The following HNRNPH3 variants were observed in gnomAD, a reference collection of about 807,000 sequenced individuals.
HNRNPH3 encodes heterogeneous nuclear ribonucleoprotein H3, also known as heterogeneous nuclear ribonucleoprotein 2H9.
A neutral mutation model predicts 47.0 loss-of-function variants in HNRNPH3; 7 were observed. The observed-to-expected ratio is 0.15, with a 90% CI of 0.08 to 0.28. The LOEUF (loss-of-function observed/expected upper bound fraction) is 0.28, where lower values mean the gene tolerates loss of function less well. HNRNPH3 is among the 10% of genes least tolerant of loss of function. The probability of loss-of-function intolerance (pLI) is 1.00; values close to 1 mark genes in which losing one functional copy is unlikely to be tolerated. For missense variants in HNRNPH3, 279 were observed against 449.6 expected (o/e 0.62, Z 3.43); for synonymous variants, 120 against 143.2 (o/e 0.84, Z 1.16).
intron 6 of HNRNPH3, 66 bp downstream of exon 6, chr10:68,339,621 C>T (rs1267343339): frequency 2.1e-6 from 2 of 962,246 alleles, no homozygotes; most frequent in African/African-American, 3.3e-5. Context: ...TTTAAGCATT[C>T]TTAATGTTCT....
At chr10:68,339,998 A>G (rs1217561061) in intron 6 of HNRNPH3, among the ~76,000 whole-genome samples, 1 of 151,738 alleles carries the variant, frequency 6.6e-6, no homozygotes, top group Non-Finnish European at 1.5e-5. Context: ...TGATGACTAT[A>G]CCATTTTGTG....
In HNRNPH3 at chr10:68,337,825, C is replaced by T; in HGVS notation, c.113-33C>T. ...AATGTTTCAGCCTTTAACACTGTTC[C>T]CCTTGATGGGGTTATTTGTCCTTGG... On this transcript the variant is annotated intron_variant, in intron 2 of 9. Coordinates refer to ENST00000265866, the MANE Select transcript of HNRNPH3 (RefSeq NM_012207.3). The surrounding 1 kb of genome is among the most constrained non-coding windows in gnomAD (Gnocchi z 4.5). 1 of 1,571,272 alleles carries T rather than the reference C, an allele frequency of 6.4e-7. No homozygotes were observed. The highest frequency in any genetic ancestry group is 8.7e-7 in the Non-Finnish European group (1 of 1,148,796).
chr10:68,336,119 G>T (rs1431026300), intron 1 of HNRNPH3, among the ~76,000 whole-genome samples: 3 of 152,162 alleles, frequency 2.0e-5, no homozygotes, highest in Non-Finnish European at 4.4e-5. Flanking sequence ...AGTGAATGCT[G>T]TTGATACGAA....
chr10:68,338,167 A>G, intron 3 of HNRNPH3, 171 bp downstream of exon 3: 1 of 507,668 alleles, frequency 2.0e-6, no homozygotes, highest in South Asian at 4.0e-5. Flanking sequence ...ATTAATGCTA[A>G]TAGTTAAATT....
upstream of HNRNPH3, chr10:68,331,745 T>C (rs1325783433): frequency 1.3e-5 from 2 of 152,286 alleles, no homozygotes; most frequent in Non-Finnish European, 2.9e-5. Context: ...TCCAGAGCGC[T>C]ACGGCACGGT....
chr10:68,339,582 G>A (rs1242807231), intron 6 of HNRNPH3, 27 bp downstream of exon 6: 1 of 1,365,110 alleles, frequency 7.3e-7, no homozygotes, highest in Non-Finnish European at 1.0e-6. Context: ...AACTATTAGT[G>A]GTTTTATACT....
intron 1 of HNRNPH3, among the ~76,000 whole-genome samples, chr10:68,336,242 G>C (rs906958641): frequency 3.3e-5 from 5 of 152,156 alleles, no homozygotes; most frequent in Non-Finnish European, 7.4e-5. Context: ...CAGCTGCATA[G>C]TGAGATTTGT....
At chr10:68,341,471 TAATA>T in intron 7 of HNRNPH3, 110 bp from the exon 8 acceptor site, 2 of 994,472 alleles carry the variant, frequency 2.0e-6, no homozygotes, top group Non-Finnish European at 3.0e-6. Flanking sequence ...TACTAGTAAT[TAATA>T]AGCATACTTT....
At chr10:68,332,335 C>G (rs2045182825) in intron 1 of HNRNPH3, 119 bp downstream of exon 1, 1 of 152,044 alleles carries the variant, frequency 6.6e-6, no homozygotes, top group Non-Finnish European at 1.5e-5. Context: ...GCTCGGAGGC[C>G]GCCGCTTGGA....
chr10:68,342,048 G>A lies in HNRNPH3; in HGVS notation c.1035G>A (p.Met345Ile). ...TGAGTGGAGGTGGATGGCGTGGGAT[G>A]TACTGAAAGCAAAAACACCAACATA... ...GGMSGGGWRG[M>I]Y The change falls in exon 10 of 10, where the codon ATG (methionine) becomes ATA (isoleucine). Residue 345 changes from methionine (M) to isoleucine (I), a missense_variant. Met to Ile is a conservative substitution (Grantham distance 10). Around this residue, in one of 2 missense-constraint regions of HNRNPH3, gnomAD observed 239 missense variants for 335.8 expected, o/e 0.71. Transcript: ENST00000265866. The A allele has an allele frequency of 1.9e-6, 3 of 1,612,590 alleles. No individual in the cohort carries two copies. Among genetic ancestry groups the A allele is most frequent in the Non-Finnish European group, 2.5e-6 (3 of 1,179,314 alleles).
rs915372236 is a variant in HNRNPH3 at position 68,343,012 on chromosome 10, T to C, written c.*958T>C. On this transcript the variant is annotated 3_prime_UTR_variant, in exon 10 of 10. Transcript: ENST00000265866. ...CTGATCCCTGCTTGGAGTTTTAGTT[T>C]AAAGAATCTATATGTAGCAAGGAAA... The C allele has an allele frequency of 1.3e-4, 20 of 152,212 alleles. No homozygotes were observed. Among genetic ancestry groups the C allele is most frequent in the African/African-American group, 4.6e-4 (19 of 41,452 alleles). 9.4% of individuals were successfully genotyped at this position (152,212 alleles called of 1,614,324 possible).
intron 5 of HNRNPH3, 70 bp from the exon 6 acceptor site, chr10:68,339,370 A>G (rs1311852747): frequency 7.3e-6 from 11 of 1,504,556 alleles, no homozygotes; most frequent in Admixed American, 5.2e-5. Context: ...TATACCTTGT[A>G]TAGTATGTAT....
At chr10:68,341,394 G>C in intron 7 of HNRNPH3, 85 bp downstream of exon 7, 1 of 1,400,402 alleles carries the variant, frequency 7.1e-7, no homozygotes, top group Non-Finnish European at 9.9e-7. Flanking sequence ...GGTAACGCTT[G>C]GCAGTTGTTG....
At chr10:68,341,074 T>G (rs1483683457) in intron 6 of HNRNPH3, 100 bp from the exon 7 acceptor site, 2 of 763,176 alleles carry the variant, frequency 2.6e-6, no homozygotes, top group African/African-American at 3.6e-5. Flanking sequence ...GACAGGGCAG[T>G]GGAAGGGTTT....
chr10:68,337,653 G>C lies in HNRNPH3; in HGVS notation c.113-205G>C. On this transcript the variant is annotated intron_variant, in intron 2 of 9. Coordinates refer to ENST00000265866, the MANE Select transcript of HNRNPH3 (RefSeq NM_012207.3). This position sits in a 1 kb window ranked among gnomAD's most constrained non-coding sequence, Gnocchi z 4.5. ...GGCTTTTAGAGTGTGTAATTACACA[G>C]TGTTTTTACACTGGTCGCAAAAAAT... The C allele has an allele frequency of 1.9e-6, 1 of 530,592 alleles. No homozygotes were observed. Among genetic ancestry groups the C allele is most frequent in the Non-Finnish European group, 3.3e-6 (1 of 299,606 alleles). The allele number at this position is 530,592 out of a possible 1,614,324, so 32.9% of individuals were successfully genotyped here. A position where few individuals can be genotyped will look rare whatever the true frequency, so the allele number is the denominator to read the frequency against.
At chr10:68,333,122 AG>A (rs2045296311) in intron 1 of HNRNPH3, 1 of 147,644 alleles carries the variant, frequency 6.8e-6, no homozygotes, top group African/African-American at 2.5e-5. Flanking sequence ...GATTTTCCAA[AG>A]GGTTTTTTTT....
Position 68,341,834 on chromosome 10 carries a change from A to G in HNRNPH3, c.947A>G (p.Asp316Gly). 1.2e-6 allele frequency: 2 copies of G among 1,610,352 alleles called. No individual in the cohort carries two copies. Among genetic ancestry groups the G allele is most frequent in the Non-Finnish European group, 1.7e-6 (2 of 1,177,470 alleles). Residue 316 changes from aspartate to glycine, a missense_variant, in exon 9 of 10, where the codon GAT becomes GGT. By Grantham distance (94) the Asp-to-Gly change is moderately conservative (BLOSUM62 -1). Around this residue, in one of 2 missense-constraint regions of HNRNPH3, gnomAD observed 239 missense variants for 335.8 expected, o/e 0.71. Coordinates refer to ENST00000265866, the MANE Select transcript of HNRNPH3 (RefSeq NM_012207.3). Reference protein sequence around the residue: ...NNYSGGYGTPDGLGGYGRGGG... With the variant: ...NNYSGGYGTPGGLGGYGRGGG... Reference sequence around the variant, plus strand: ...TACAGTGGAGGATATGGTACTCCTGATGGTTTGGGTGGTTATGGTAAGTAT... The same window carrying G: ...TACAGTGGAGGATATGGTACTCCTGGTGGTTTGGGTGGTTATGGTAAGTAT...
At position 68,338,861 on chromosome 10, in the gene HNRNPH3, A is replaced by G. The variant is rs577547684; in HGVS notation, c.436+174A>G. ...GGACTTGACTGATGCACATATTGGC[A>G]CCTAGAAAACTTACACAGAAATTAA... On this transcript the variant is annotated intron_variant, in intron 4 of 9. Coordinates refer to ENST00000265866, the MANE Select transcript of HNRNPH3 (RefSeq NM_012207.3). 32 of 544,774 alleles carry G rather than the reference A, an allele frequency of 5.9e-5. No homozygotes were observed. In the South Asian group the frequency reaches 1.1e-3, roughly 19 times the overall value. 33.7% of individuals were successfully genotyped at this position (544,774 alleles called of 1,614,324 possible).
In HNRNPH3 at chr10:68,337,449, A is replaced by C; in HGVS notation, c.112+116A>C. On this transcript the variant is annotated intron_variant, in intron 2 of 9. Transcript: ENST00000265866. The surrounding 1 kb of genome is among the most constrained non-coding windows in gnomAD (Gnocchi z 4.5). ...TGGAACTTTTAAGTTTAACTATGAT[A>C]GTCTTGGTTAATGTATTAAAATAAT... is the stretch of plus-strand genomic sequence containing the variant. 1.5e-6 allele frequency: 1 copy of C among 655,886 alleles called. No homozygotes were observed. Among genetic ancestry groups the C allele is most frequent in the Non-Finnish European group, 2.7e-6 (1 of 372,184 alleles). 40.6% of individuals were successfully genotyped at this position (655,886 alleles called of 1,614,324 possible).
Sources: allele counts gnomAD v4.1 joint callset (sites outside exome capture counted in the v4.1 genomes callset), GRCh38; gene constraint gnomAD v4.1.1; regional missense constraint gnomAD v4.1.1; non-coding constraint Gnocchi (gnomAD v3.1); transcripts MANE v1.5; gene names NCBI Gene and HGNC (gene_info 2026-07-23, HGNC 2026-07-21).